The following SYT7 variants were observed in gnomAD, a reference collection of about 807,000 sequenced individuals.
The protein encoded by SYT7 is synaptotagmin 7.
SYT7 carries 29 observed loss-of-function variants against 75.1 expected under a neutral mutation model. The observed-to-expected ratio is 0.39, with a 90% CI of 0.29 to 0.53. The LOEUF (loss-of-function observed/expected upper bound fraction) is 0.53. SYT7 is among the 20% of genes least tolerant of loss of function. The probability of loss-of-function intolerance (pLI) is 0.77; values close to 1 mark genes in which losing one functional copy is unlikely to be tolerated. For synonymous variants in SYT7, 376 were observed against 401.7 expected (o/e 0.94, Z 0.76); for missense variants, 693 against 953.2 (o/e 0.73, Z 3.59).
Position 61,580,689 on chromosome 11 carries a change from G to C in SYT7, c.31+101C>G. On this transcript the variant is annotated intron_variant, in intron 1 of 12. Coordinates refer to ENST00000539008, the MANE Select transcript of SYT7 (RefSeq NM_001365809.2). The surrounding 1 kb of genome is among the most constrained non-coding windows in gnomAD (Gnocchi z 6.1). The stretch of plus-strand genomic sequence containing the variant: ...CCTGGGGGAGCCCGTGCGGCTCCGG[G>C]CGGACAACAGCCCCAGGCTGGGGCT... The C allele has an allele frequency of 1.2e-6, 1 of 814,182 alleles. No homozygotes were observed. 50.4% of individuals were successfully genotyped at this position (814,182 alleles called of 1,614,324 possible). A position where few individuals can be genotyped will look rare whatever the true frequency, so the allele number is the denominator to read the frequency against.
At chr11:61,583,283 G>C (rs1171489217), upstream of SYT7, among the ~76,000 whole-genome samples, 1 of 151,750 alleles carries the variant, frequency 6.6e-6, no homozygotes, top group Non-Finnish European at 1.5e-5. Context: ...TGGGCACACA[G>C]ACAGGTTCCC....
Position 61,542,725 on chromosome 11 carries a change from C to T in SYT7, c.573-146G>A. 3 of 1,346,394 alleles carry T rather than the reference C, an allele frequency of 2.2e-6. No individual in the cohort carries two copies. Among genetic ancestry groups the T allele is most frequent in the South Asian group, 3.5e-5 (2 of 56,772 alleles). The allele number at this position is 1,346,394 out of a possible 1,614,324, so 83.4% of individuals were successfully genotyped here. A position where few individuals can be genotyped will look rare whatever the true frequency, so the allele number is the denominator to read the frequency against. ...CGCCAGGCCTCCATCGGAGCTGTCG[C>T]CACCGCCGTCGCCGCCACTGCCTCG... On this transcript the variant is annotated intron_variant, in intron 5 of 12. Transcript: ENST00000539008. The surrounding 1 kb of genome is among the most constrained non-coding windows in gnomAD (Gnocchi z 7.8).
intron 1 of SYT7, among the ~76,000 whole-genome samples, chr11:61,565,979 G>A (rs2063756328): frequency 6.6e-6 from 1 of 152,274 alleles, no homozygotes; most frequent in African/African-American, 2.4e-5. Context: ...AACAGTGAAT[G>A]AAGGATTATC....
chr11:61,536,969 G>A (rs1733181637), intron 7 of SYT7, among the ~76,000 whole-genome samples: 2 of 152,148 alleles, frequency 1.3e-5, no homozygotes, highest in Admixed American at 6.5e-5. Flanking sequence ...TAGCATATCC[G>A]AGCCTGAGGG....
chr11:61,573,799 C>T (rs1450446514), intron 1 of SYT7, among the ~76,000 whole-genome samples: 1 of 152,188 alleles, frequency 6.6e-6, no homozygotes, highest in Non-Finnish European at 1.5e-5. Context: ...AACTGCCTCA[C>T]CTCTGCTCGC....
In SYT7 at chr11:61,581,010, G is replaced by T; in HGVS notation, c.-190C>A. Reference sequence around the variant, plus strand: ...CCCGCCAGCCCTCCCGCCCGCCCGCGGAGCACGCTGCCGCCGCCGCCGAAC... The same window carrying T: ...CCCGCCAGCCCTCCCGCCCGCCCGCTGAGCACGCTGCCGCCGCCGCCGAAC... On this transcript the variant is annotated 5_prime_UTR_variant, in exon 1 of 13. Coordinates refer to ENST00000539008, the MANE Select transcript of SYT7 (RefSeq NM_001365809.2). 1.2e-6 allele frequency: 1 copy of T among 837,802 alleles called. No homozygotes were observed. Among genetic ancestry groups the T allele is most frequent in the Non-Finnish European group, 1.4e-6 (1 of 700,278 alleles). 51.9% of individuals were successfully genotyped at this position (837,802 alleles called of 1,614,324 possible).
At position 61,517,186 on chromosome 11, in the gene SYT7, A is replaced by G. The variant is rs746033599; in HGVS notation, c.*1441T>C. 22 of 398,380 alleles carry G rather than the reference A, an allele frequency of 5.5e-5. No individual in the cohort carries two copies. The highest frequency in any genetic ancestry group is 9.3e-5 in the Non-Finnish European group (21 of 226,024). 24.7% of individuals were successfully genotyped at this position (398,380 alleles called of 1,614,324 possible). ...GGCTTTGTCACCAGCTGGGTCTTGTATCAATACCAGGACCAGCGTGGGGAT... is the reference window on the plus strand; with the variant it reads ...GGCTTTGTCACCAGCTGGGTCTTGTGTCAATACCAGGACCAGCGTGGGGAT... On this transcript the variant is annotated 3_prime_UTR_variant, in exon 13 of 13. Transcript: ENST00000539008.
intron 8 of SYT7, chr11:61,531,149 TATC>T (rs1344177354): frequency 1.0e-6 from 1 of 985,088 alleles, no homozygotes; most frequent in South Asian, 4.7e-5. Context: ...CTGCTTATCT[TATC>T]ATGGCTGTTA....
At position 61,580,210 on chromosome 11, in the gene SYT7, C is replaced by T. The variant is rs1426743039; in HGVS notation, c.31+580G>A. 6.6e-6 allele frequency among the ~76,000 whole-genome samples: 1 copy of T among 151,872 alleles called. No homozygotes were observed. Among genetic ancestry groups the T allele is most frequent in the African/African-American group, 2.4e-5 (1 of 41,326 alleles). On this transcript the variant is annotated intron_variant, in intron 1 of 12. Coordinates refer to ENST00000539008, the MANE Select transcript of SYT7 (RefSeq NM_001365809.2). This position sits in a 1 kb window ranked among gnomAD's most constrained non-coding sequence, Gnocchi z 6.1. The stretch of plus-strand genomic sequence containing the variant: ...TCTCATGAGCCCCTGCTCTCTTTCC[C>T]TTCAGGCACCCCCGTCTCACCCATC...
rs1298233286 is a variant in SYT7, at chr11:61,551,157, G to A, written c.215+227C>T. 6.6e-6 allele frequency among the ~76,000 whole-genome samples: 1 copy of A among 152,164 alleles called. No individual in the cohort carries two copies. The highest frequency in any genetic ancestry group is 1.9e-4 in the East Asian group (1 of 5,190). ...GAAGGTGCTGGCGGTGAGGGCAGCGGAAACGGAGGCCAGGGACTCCGGAGC... is the reference window on the plus strand; with the variant it reads ...GAAGGTGCTGGCGGTGAGGGCAGCGAAAACGGAGGCCAGGGACTCCGGAGC... On this transcript the variant is annotated intron_variant, in intron 3 of 12. Coordinates refer to ENST00000539008, the MANE Select transcript of SYT7 (RefSeq NM_001365809.2). This position sits in a 1 kb window ranked among gnomAD's most constrained non-coding sequence, Gnocchi z 5.3.
upstream of SYT7, among the ~76,000 whole-genome samples, chr11:61,584,693 A>G (rs2064349982): frequency 6.6e-6 from 1 of 152,174 alleles, no homozygotes; most frequent in South Asian, 2.1e-4. Context: ...CCAGAATCCA[A>G]TCCCAATTCT....
At chr11:61,585,862 G>T (rs2064375234), upstream of SYT7, among the ~76,000 whole-genome samples, 1 of 152,136 alleles carries the variant, frequency 6.6e-6, no homozygotes, top group South Asian at 2.1e-4. Flanking sequence ...CTGTTTCTCT[G>T]TTTGGCTTTG....
At chr11:61,522,424 A>C (rs1233509854) in intron 12 of SYT7, among the ~76,000 whole-genome samples, 1 of 152,138 alleles carries the variant, frequency 6.6e-6, no homozygotes, top group Non-Finnish European at 1.5e-5. Flanking sequence ...TCCCGACCGC[A>C]GATGATCCAC....
intron 7 of SYT7, among the ~76,000 whole-genome samples, chr11:61,535,144 C>G (rs2062832101): frequency 6.6e-6 from 1 of 152,052 alleles, no homozygotes; most frequent in Admixed American, 6.5e-5. Flanking sequence ...GCCGAGGGGC[C>G]CATCACCGGC....
At position 61,523,048 on chromosome 11, in the gene SYT7, G is replaced by A. The variant is rs1052094147; in HGVS notation, c.1956+27C>T. 9 of 1,612,728 alleles carry A rather than the reference G, an allele frequency of 5.6e-6. No homozygotes were observed. Among genetic ancestry groups the A allele is most frequent in the Middle Eastern group, 1.8e-4 (1 of 5,666 alleles). On this transcript the variant is annotated intron_variant, in intron 12 of 12. Transcript: ENST00000539008. The surrounding 1 kb of genome is among the most constrained non-coding windows in gnomAD (Gnocchi z 5.0). The stretch of plus-strand genomic sequence containing the variant: ...CGGAGCCTCACTGGTGCCAGCAGGT[G>A]CACCACACCACCTGCCTCGCCCCTA...
chr11:61,551,380 C>A lies in SYT7; in HGVS notation c.215+4G>T. 6.2e-7 allele frequency: 1 copy of A among 1,613,732 alleles called. No homozygotes were observed. The highest frequency in any genetic ancestry group is 8.5e-7 in the Non-Finnish European group (1 of 1,179,928). On this transcript the variant is annotated splice_donor_region_variant and intron_variant, in intron 3 of 12. Transcript: ENST00000539008. This position sits in a 1 kb window ranked among gnomAD's most constrained non-coding sequence, Gnocchi z 5.3. ...CCATCCCAAACTAGCAGCCTGGCAC[C>A]TACTTGATAGCCTTCTTCTCACTGC...
At chr11:61,537,920 T>C (rs887035696) in intron 7 of SYT7, among the ~76,000 whole-genome samples, 2 of 152,108 alleles carry the variant, frequency 1.3e-5, no homozygotes, top group African/African-American at 2.4e-5. Context: ...GCAGGCCTGA[T>C]CCAGAATGGT....
chr11:61,580,986 C>T lies in SYT7; in HGVS notation c.-166G>A, dbSNP rs1300282190. ...CGCGGAGCCGGGGAGCGGGGGCCGC[C>T]CGCCAGCCCTCCCGCCCGCCCGCGG... On this transcript the variant is annotated 5_prime_UTR_variant, in exon 1 of 13. Transcript: ENST00000539008. This position sits in a 1 kb window ranked among gnomAD's most constrained non-coding sequence, Gnocchi z 6.1. The T allele has an allele frequency of 2.1e-6, 2 of 974,002 alleles. No individual in the cohort carries two copies. The highest frequency in any genetic ancestry group is 9.1e-5 in the South Asian group (2 of 21,860). The allele number at this position is 974,002 out of a possible 1,614,324, so 60.3% of individuals were successfully genotyped here. A position where few individuals can be genotyped will look rare whatever the true frequency, so the allele number is the denominator to read the frequency against.
intron 1 of SYT7, 43 bp from the exon 2 acceptor site, chr11:61,556,250 C>G (rs762778372): frequency 3.9e-6 from 6 of 1,536,910 alleles, no homozygotes; most frequent in Non-Finnish European, 5.3e-6. Flanking sequence ...TGGCCAGGGC[C>G]TGCCACCCTC....
Sources: allele counts gnomAD v4.1 joint callset (sites outside exome capture counted in the v4.1 genomes callset), GRCh38; gene constraint gnomAD v4.1.1; non-coding constraint Gnocchi (gnomAD v3.1); transcripts MANE v1.5; gene names NCBI Gene and HGNC (gene_info 2026-07-23, HGNC 2026-07-21).